Variants in PTPN14 observed in about 807,000 individuals in gnomAD.
PTPN14 encodes the protein tyrosine-protein phosphatase non-receptor type 14.
A neutral mutation model predicts 126.8 loss-of-function variants in PTPN14; 53 were observed. That is an observed-to-expected ratio of 0.42 (90% CI 0.34 to 0.53). PTPN14 has a LOEUF of 0.53. Ranked by LOEUF, PTPN14 falls within the 20% of genes least tolerant of loss-of-function variation. The pLI, the probability that PTPN14 is intolerant of heterozygous loss-of-function variation, is 0.08. For synonymous variants in PTPN14, 630 were observed against 599.3 expected (o/e 1.05, Z -0.75); for missense variants, 1,257 against 1,552.9 (o/e 0.81, Z 3.20).
chr1:214,535,654 C>T (rs944148012), intron 1 of PTPN14, among the ~76,000 whole-genome samples: 13 of 152,092 alleles, frequency 8.5e-5, no homozygotes, highest in South Asian at 2.1e-4. Flanking sequence ...TGGCGCATGC[C>T]GGTAATCCCA....
chr1:214,481,398 C>A (rs1444500046), intron 1 of PTPN14, among the ~76,000 whole-genome samples: 1 of 149,936 alleles, frequency 6.7e-6, no homozygotes, highest in Non-Finnish European at 1.5e-5. Context: ...GTAGTCCCAG[C>A]TACTTGGGAG....
chr1:214,495,804 C>G (rs1329348830), intron 1 of PTPN14, among the ~76,000 whole-genome samples: 1 of 152,140 alleles, frequency 6.6e-6, no homozygotes, highest in African/African-American at 2.4e-5. Context: ...AAGCGATGCT[C>G]CTGCCTCAGC....
chr1:214,497,855 A>G (rs184861783), intron 1 of PTPN14, among the ~76,000 whole-genome samples: 81 of 152,314 alleles, frequency 5.3e-4, no homozygotes, highest in Admixed American at 5.2e-3. Flanking sequence ...AGGGGGAAAA[A>G]AAAGGAAAAT....
chr1:214,446,954 G>A (rs72757986), intron 3 of PTPN14, among the ~76,000 whole-genome samples: 2,431 of 152,172 alleles, frequency 0.016, 25 homozygotes, highest in Non-Finnish European at 0.024. Context: ...CTCCTCCAAC[G>A]GGTTGCCCGC....
rs374058238 is a variant in PTPN14 at position 214,506,522 on chromosome 1, A to AAAATAAATAAATAAATAAATAAAT, written c.-154-41566_-154-41565insATTTATTTATTTATTTATTTATTT. On this transcript the variant is annotated intron_variant, in intron 1 of 18. Transcript: ENST00000366956. ...ATAGAGATCCTGTGTCTAAAAGAAG[A>AAAATAAATAAATAAATAAATAAAT]AAATAAATAAATAAATAAATATAAA... 8.1e-3 allele frequency among the ~76,000 whole-genome samples: 1,216 copies of AAAATAAATAAATAAATAAATAAAT among 150,778 alleles called. 12 individuals carry two copies. Among genetic ancestry groups the AAAATAAATAAATAAATAAATAAAT allele is most frequent in the African/African-American group, 0.028 (1,143 of 40,268 alleles).
rs1179366466 is a variant in PTPN14, at chr1:214,351,346, C to A, written c.*6576G>T. On this transcript the variant is annotated 3_prime_UTR_variant, in exon 19 of 19. Transcript: ENST00000366956. ...AAAAAGGCAGCAGACCCTAAGTGAACAAGGTGCTCATGGAATGAAGAGGGT... is the reference window on the plus strand; with the variant it reads ...AAAAAGGCAGCAGACCCTAAGTGAAAAAGGTGCTCATGGAATGAAGAGGGT... The A allele has an allele frequency of 2.9e-5, 4 of 139,494 alleles. No homozygotes were observed. The highest frequency in any genetic ancestry group is 2.3e-4 in the South Asian group (1 of 4,306). The allele number at this position is 139,494 out of a possible 1,614,324, so 8.6% of individuals were successfully genotyped here. A position where few individuals can be genotyped will look rare whatever the true frequency, so the allele number is the denominator to read the frequency against.
chr1:214,497,883 T>C (rs1446057960), intron 1 of PTPN14, among the ~76,000 whole-genome samples: 1 of 152,148 alleles, frequency 6.6e-6, no homozygotes, highest in Non-Finnish European at 1.5e-5. Context: ...TATATCAGCA[T>C]GTTGCTGTCA....
chr1:214,419,261 C>A (rs1161291321), intron 3 of PTPN14, among the ~76,000 whole-genome samples: 1 of 152,132 alleles, frequency 6.6e-6, no homozygotes, highest in Non-Finnish European at 1.5e-5. Context: ...AACTACCAAC[C>A]TGCAGAATCA....
At chr1:214,457,291 T>TA (rs1325007215) in intron 2 of PTPN14, among the ~76,000 whole-genome samples, 1 of 152,248 alleles carries the variant, frequency 6.6e-6, no homozygotes, top group Non-Finnish European at 1.5e-5. Flanking sequence ...GATAAGGACT[T>TA]ACTCTTTGAA....
chr1:214,419,942 C>T (rs1385098157), intron 3 of PTPN14, among the ~76,000 whole-genome samples: 1 of 152,104 alleles, frequency 6.6e-6, no homozygotes, highest in Non-Finnish European at 1.5e-5. Context: ...TGCCTCCCTC[C>T]CTCCATCCCT....
intron 3 of PTPN14, among the ~76,000 whole-genome samples, chr1:214,436,786 C>CAAAAAAAAA (rs1159209240): frequency 6.0e-4 from 28 of 46,648 alleles, no homozygotes; most frequent in African/African-American, 2.0e-3. Context: ...GACTCCGTCT[C>CAAAAAAAAA]AAAAAAAAAA....
At chr1:214,398,038 ATGTTCAC>A in intron 7 of PTPN14, 37 bp from the exon 8 acceptor site, 1 of 1,472,816 alleles carries the variant, frequency 6.8e-7, no homozygotes, top group Non-Finnish European at 9.5e-7. Context: ...GTGATGACCC[ATGTTCAC>A]TGCAACATTA....
chr1:214,549,198 G>T (rs1656042826), intron 1 of PTPN14, among the ~76,000 whole-genome samples: 1 of 152,150 alleles, frequency 6.6e-6, no homozygotes, highest in Admixed American at 6.5e-5. Flanking sequence ...CAGCCACTAT[G>T]AACAATACTA....
At chr1:214,517,220 G>A (rs1256058789) in intron 1 of PTPN14, among the ~76,000 whole-genome samples, 2 of 152,174 alleles carry the variant, frequency 1.3e-5, no homozygotes, top group Admixed American at 6.5e-5. Flanking sequence ...CCATTTCTGT[G>A]AAGGCATGGT....
chr1:214,383,827 C>T lies in PTPN14; in HGVS notation c.2028G>A (p.Pro676=), dbSNP rs200185375. The change falls in exon 13 of 19, where the codon CCG becomes CCA. Residue 676 remains proline (P), a synonymous_variant. Transcript: ENST00000366956. The surrounding 1 kb of genome is among the most constrained non-coding windows in gnomAD (Gnocchi z 4.4). ...CGTGGCTGCCTGACCCCTCCTCGGG[C>T]GGTCCCTGCTCCCGGAGCGTGTTGC... ...ARRNTLREQG[P]PEEGSGSHEV... The T allele has an allele frequency of 7.9e-5, 128 of 1,612,414 alleles. No homozygotes were observed. Among genetic ancestry groups the T allele is most frequent in the Middle Eastern group, 3.3e-4 (2 of 6,062 alleles).
At chr1:214,434,167 G>C (rs1659860362) in intron 3 of PTPN14, among the ~76,000 whole-genome samples, 1 of 151,976 alleles carries the variant, frequency 6.6e-6, no homozygotes, top group Non-Finnish European at 1.5e-5. Flanking sequence ...AAAGGCTAAA[G>C]ACAATTGAGC....
At chr1:214,436,879 T>A (rs1167952849) in intron 3 of PTPN14, among the ~76,000 whole-genome samples, 1 of 149,484 alleles carries the variant, frequency 6.7e-6, no homozygotes, top group Non-Finnish European at 1.5e-5. Flanking sequence ...AGTCAGCACA[T>A]CACAAAATCA....
At chr1:214,372,985 C>T in intron 15 of PTPN14, 146 bp from the exon 16 acceptor site, 1 of 1,136,536 alleles carries the variant, frequency 8.8e-7, no homozygotes, top group Non-Finnish European at 1.2e-6. Context: ...AACCCTGAGA[C>T]TACAGAGGCT....
At position 214,520,063 on chromosome 1, in the gene PTPN14, A is replaced by ATAT. The variant is rs1173435556; in HGVS notation, c.-155+31119_-155+31120insATA. On this transcript the variant is annotated intron_variant, in intron 1 of 18. Coordinates refer to ENST00000366956, the MANE Select transcript of PTPN14 (RefSeq NM_005401.5). ...ACCCTGTCTCAAAAAAAAAAAAAAA[A>ATAT]AAATATATATATATATATATGCAGA... Among the ~76,000 whole-genome samples, 59 of 78,088 alleles carry ATAT rather than the reference A, an allele frequency of 7.6e-4. 1 individual carries two copies. The highest frequency in any genetic ancestry group is 0.017 in the Middle Eastern group (2 of 120). The allele number at this position is 78,088 out of a possible 152,430, so 51.2% of individuals were successfully genotyped here. A position where few individuals can be genotyped will look rare whatever the true frequency, so the allele number is the denominator to read the frequency against.
Sources: gnomAD v4.1 joint callset for allele counts (sites outside exome capture counted in the v4.1 genomes callset) on GRCh38, gnomAD v4.1.1 for gene constraint, Gnocchi (gnomAD v3.1) non-coding constraint, MANE v1.5 for transcripts, NCBI Gene and HGNC (gene_info 2026-07-23, HGNC 2026-07-21) for gene names.